KLHL32: variants seen among roughly 807,000 people sequenced by gnomAD.
KLHL32 encodes kelch like family member 32.
Under a neutral mutation model 64.8 loss-of-function variants are expected in KLHL32, and 35 were observed. The ratio of observed to expected loss-of-function variants is 0.54; its 90% CI spans 0.41 to 0.72. The LOEUF (loss-of-function observed/expected upper bound fraction) is 0.72, where lower values mean the gene tolerates loss of function less well. Among genes scored for constraint, KLHL32 ranks in the 30% least tolerant of loss-of-function variants. KLHL32 has a pLI of 0.00. For missense variants in KLHL32, 589 were observed against 768.5 expected, an observed-to-expected ratio of 0.77 and a Z score of 2.76; for synonymous variants, 259 against 281.0, an observed-to-expected ratio of 0.92 and a Z score of 0.78.
At chr6:97,014,157 T>A (rs914572325) in intron 3 of KLHL32, among the ~76,000 whole-genome samples, 2 of 151,814 alleles carry the variant, frequency 1.3e-5, no homozygotes, top group Non-Finnish European at 2.9e-5. Context: ...AGCCGGGCGT[T>A]GTGGTGGGCG....
the KLHL32 span, among the ~76,000 whole-genome samples, chr6:96,905,248 T>C: frequency 1.3e-5 from 2 of 152,172 alleles, no homozygotes; most frequent in African/African-American, 4.8e-5. Flanking sequence ...TCAAAGATTA[T>C]GAAAGATTAT....
At chr6:96,900,177 T>C in the KLHL32 span, among the ~76,000 whole-genome samples, 1 of 152,204 alleles carries the variant, frequency 6.6e-6, no homozygotes, top group Non-Finnish European at 1.5e-5. Context: ...TTAATGTGGT[T>C]GAACACACTT....
intron 6 of KLHL32, among the ~76,000 whole-genome samples, chr6:97,111,139 C>G (rs1210345952): frequency 6.6e-6 from 1 of 152,146 alleles, no homozygotes; most frequent in Admixed American, 6.5e-5. Flanking sequence ...TTCAGTTGCC[C>G]CAGGACTTTA....
At chr6:97,015,498 A>G (rs777395972) in intron 3 of KLHL32, among the ~76,000 whole-genome samples, 4 of 152,234 alleles carry the variant, frequency 2.6e-5, no homozygotes, top group Non-Finnish European at 5.9e-5. Flanking sequence ...CACTATTGCT[A>G]TGCTTTAGCA....
the KLHL32 span, among the ~76,000 whole-genome samples, chr6:96,900,414 G>A: frequency 1.3e-5 from 2 of 152,144 alleles, no homozygotes; most frequent in African/African-American, 4.8e-5. Context: ...TAAGACTCAT[G>A]TTCTTCAATA....
intron 3 of KLHL32, among the ~76,000 whole-genome samples, chr6:97,009,580 T>G (rs889431196): frequency 6.6e-6 from 1 of 152,194 alleles, no homozygotes; most frequent in African/African-American, 2.4e-5. Flanking sequence ...CTTTGTATAT[T>G]GTGAAAGGGA....
chr6:96,985,152 A>G (rs1157697231), intron 3 of KLHL32, among the ~76,000 whole-genome samples: 2 of 151,974 alleles, frequency 1.3e-5, no homozygotes, highest in African/African-American at 4.8e-5. Context: ...GCTGGATATG[A>G]AATTCTGGGT....
chr6:97,104,683 C>T (rs118144526), intron 6 of KLHL32, among the ~76,000 whole-genome samples: 3,398 of 152,222 alleles, frequency 0.022, 61 homozygotes, highest in Non-Finnish European at 0.035. Context: ...TGTGCAATCT[C>T]CCTTGAAAGA....
intron 4 of KLHL32, among the ~76,000 whole-genome samples, chr6:97,054,743 T>C (rs971055663): frequency 1.3e-5 from 2 of 152,200 alleles, no homozygotes; most frequent in African/African-American, 4.8e-5. Flanking sequence ...AAACTAATGA[T>C]AGCCATTCAT....
chr6:96,977,026 T>C (rs1775777753), intron 3 of KLHL32, among the ~76,000 whole-genome samples: 1 of 152,198 alleles, frequency 6.6e-6, no homozygotes, highest in Non-Finnish European at 1.5e-5. Flanking sequence ...AGCTTTGGGG[T>C]TGATTTCCAA....
intron 6 of KLHL32, among the ~76,000 whole-genome samples, chr6:97,110,187 A>G (rs552740170): frequency 2.8e-4 from 42 of 152,328 alleles, no homozygotes; most frequent in African/African-American, 9.4e-4. Context: ...TTCTTTTGCA[A>G]TATCTTTGAT....
intron 2 of KLHL32, among the ~76,000 whole-genome samples, chr6:96,968,775 C>G (rs985170605): frequency 6.6e-6 from 1 of 152,070 alleles, no homozygotes; most frequent in South Asian, 2.1e-4. Flanking sequence ...TGTTTGCCTC[C>G]GACTTCATTG....
chr6:97,096,940 G>A (rs1795065638), intron 6 of KLHL32, among the ~76,000 whole-genome samples: 1 of 152,218 alleles, frequency 6.6e-6, no homozygotes, highest in African/African-American at 2.4e-5. Context: ...ACAGCACTGA[G>A]AGGTTAGGTC....
intron 7 of KLHL32, among the ~76,000 whole-genome samples, chr6:97,124,394 T>C (rs1798675125): frequency 6.6e-6 from 1 of 152,228 alleles, no homozygotes; most frequent in Non-Finnish European, 1.5e-5. Context: ...ATCTAATTAC[T>C]GAGTGCAGAT....
Position 96,938,286 on chromosome 6 carries a change from T to A in KLHL32, c.-66+13260T>A, listed in dbSNP as rs576995133. Among the ~76,000 whole-genome samples, 243 of 151,840 alleles carry A rather than the reference T, an allele frequency of 1.6e-3. 1 individual carries two copies. The highest frequency in any genetic ancestry group is 5.1e-3 in the African/African-American group (211 of 41,392). ...ATTCCATAGTGGAAAAAAAAACAAA[T>A]GTGTGGTTCAGGCTCACCAGCATCA... On this transcript the variant is annotated intron_variant, in intron 1 of 10. Transcript: ENST00000369261.
intron 3 of KLHL32, among the ~76,000 whole-genome samples, chr6:97,024,727 A>G (rs1216100064): frequency 6.6e-6 from 1 of 152,158 alleles, no homozygotes; most frequent in Non-Finnish European, 1.5e-5. Context: ...TCTACATTTT[A>G]TTCTTTTATT....
At chr6:96,995,044 C>T (rs1375280584) in intron 3 of KLHL32, among the ~76,000 whole-genome samples, 2 of 152,168 alleles carry the variant, frequency 1.3e-5, no homozygotes, top group Non-Finnish European at 2.9e-5. Context: ...TGAACATAGC[C>T]AAATCCCGTT....
At chr6:96,900,251 T>A in the KLHL32 span, among the ~76,000 whole-genome samples, 1 of 152,194 alleles carries the variant, frequency 6.6e-6, no homozygotes, top group Non-Finnish European at 1.5e-5. Context: ...TAAAAATATG[T>A]GTCTAGTACA....
chr6:96,898,701 A>C, the KLHL32 span, among the ~76,000 whole-genome samples: 43,599 of 151,878 alleles, frequency 0.29, 6,316 homozygotes, highest in African/African-American at 0.32. Flanking sequence ...TCAGAAAAAA[A>C]AAACAAACAA....
Sources: allele counts gnomAD v4.1 joint callset (sites outside exome capture counted in the v4.1 genomes callset), GRCh38; gene constraint gnomAD v4.1.1; transcripts MANE v1.5; gene names NCBI Gene and HGNC (gene_info 2026-07-23, HGNC 2026-07-21).